The following DGKD variants were observed in gnomAD, a reference collection of about 807,000 sequenced individuals.
DGKD encodes the protein DAG kinase delta.
Under a neutral mutation model 154.4 loss-of-function variants are expected in DGKD, and 68 were observed. The ratio of observed to expected loss-of-function variants is 0.44; its 90% confidence interval spans 0.36 to 0.54. DGKD has a LOEUF of 0.54. DGKD is among the 20% of genes least tolerant of loss of function. DGKD has a pLI of 0.00. For synonymous variants in DGKD, 693 were observed against 638.0 expected (o/e 1.09, Z -1.30); for missense variants, 1,343 against 1,593.6 (o/e 0.84, Z 2.68).
intron 1 of DGKD, among the ~76,000 whole-genome samples, chr2:233,362,698 A>T (rs1056843728): frequency 6.6e-6 from 1 of 152,224 alleles, no homozygotes; most frequent in Non-Finnish European, 1.5e-5. Flanking sequence ...ATTTTCTACA[A>T]CAAATAACAG....
Position 233,364,890 on chromosome 2 carries a change from A to G in DGKD, c.156+10216A>G, listed in dbSNP as rs577859967. ...TTTGAAAGAGATACGTTTAAAACAT[A>G]AGGATATTAAAAGATTGAAAGTAAA... is the stretch of plus-strand genomic sequence containing the variant. On this transcript the variant is annotated intron_variant, in intron 1 of 29. Coordinates refer to ENST00000264057, the MANE Select transcript of DGKD (RefSeq NM_152879.3). Among the ~76,000 whole-genome samples the G allele has an allele frequency of 2.6e-5, 4 of 152,324 alleles. No homozygotes were observed. The East Asian group carries it at 7.7e-4, about 29-fold the overall frequency.
rs189410313 is a variant in DGKD at position 233,465,116 on chromosome 2, C to A, written c.3306+833C>A. Among the ~76,000 whole-genome samples the A allele has an allele frequency of 5.3e-5, 8 of 152,268 alleles. No homozygotes were observed. The East Asian group carries it at 1.5e-3, about 29-fold the overall frequency. On this transcript the variant is annotated intron_variant, in intron 27 of 29. Transcript: ENST00000264057. ...TTCATGGGAAACTGACTCAGGCACT[C>A]CAGCCGATGGATGAAACTCAGCAGC...
At chr2:233,446,396 A>T (rs2063072528) in intron 11 of DGKD, among the ~76,000 whole-genome samples, 2 of 152,272 alleles carry the variant, frequency 1.3e-5, no homozygotes, top group African/African-American at 4.8e-5. Flanking sequence ...TGCTCATCTC[A>T]CTGGGCCAGC....
At chr2:233,384,282 TGATGC>T (rs1331992942) in intron 1 of DGKD, among the ~76,000 whole-genome samples, 5 of 152,168 alleles carry the variant, frequency 3.3e-5, no homozygotes, top group Non-Finnish European at 7.4e-5. Context: ...TGGACATCAC[TGATGC>T]GATCTTCTCG....
At chr2:233,381,952 G>A (rs1046591922) in intron 1 of DGKD, among the ~76,000 whole-genome samples, 7 of 152,266 alleles carry the variant, frequency 4.6e-5, no homozygotes, top group African/African-American at 1.7e-4. Flanking sequence ...ATGCAAATTG[G>A]GCCAGGTGCG....
intron 9 of DGKD, among the ~76,000 whole-genome samples, chr2:233,439,681 C>T (rs2062825430): frequency 6.6e-6 from 1 of 152,154 alleles, no homozygotes; most frequent in African/African-American, 2.4e-5. Flanking sequence ...CCTGCCTTAG[C>T]CTCCTGAGTA....
At chr2:233,408,045 T>C (rs973353973) in intron 3 of DGKD, among the ~76,000 whole-genome samples, 1 of 130,972 alleles carries the variant, frequency 7.6e-6, no homozygotes, top group Admixed American at 7.6e-5. Flanking sequence ...GGAAAAACTG[T>C]TTTTTTTTTT....
In DGKD at chr2:233,467,203, G is replaced by A; in HGVS notation, c.3424G>A (p.Val1142Ile). The change falls in exon 28 of 30, where the codon GTT (valine) becomes ATT (isoleucine). Residue 1142 changes from valine (V) to isoleucine (I), a missense_variant and splice_region_variant. Around this residue, in one of 6 missense-constraint regions of DGKD, gnomAD observed 429 missense variants for 496.3 expected, o/e 0.86. Coordinates refer to ENST00000264057, the MANE Select transcript of DGKD (RefSeq NM_152879.3). ...AGCTCACAGTAGCCTGGGAGCCCCG[G>A]GTACCTGCCTCTCTCCCGCGTGTGT... Reference protein sequence around the residue: ...KEAHSSLGAPVHLWGTEEVAA... With the variant: ...KEAHSSLGAPIHLWGTEEVAA... The A allele has an allele frequency of 6.2e-7, 1 of 1,608,570 alleles. No individual in the cohort carries two copies. The highest frequency in any genetic ancestry group is 8.5e-7 in the Non-Finnish European group (1 of 1,174,962).
intron 3 of DGKD, among the ~76,000 whole-genome samples, chr2:233,411,781 T>C (rs2061837398): frequency 6.6e-6 from 1 of 152,174 alleles, no homozygotes; most frequent in Admixed American, 6.5e-5. Context: ...GTTTTGTAGT[T>C]TTAGGTTTTA....
chr2:233,457,280 C>A lies in DGKD; in HGVS notation c.2532C>A (p.Pro844=). The A allele has an allele frequency of 1.3e-6, 2 of 1,530,076 alleles. No individual in the cohort carries two copies. Among genetic ancestry groups the A allele is most frequent in the South Asian group, 2.6e-5 (2 of 76,842 alleles). The allele number at this position is 1,530,076 out of a possible 1,614,324, so 94.8% of individuals were successfully genotyped here. A position where few individuals can be genotyped will look rare whatever the true frequency, so the allele number is the denominator to read the frequency against. The stretch of plus-strand genomic sequence containing the variant: ...AGGGAATTGCTGTCCTTAACATTCC[C>A]AGCTATGCCGGAGGAACCAACTTCT... ...SLQGIAVLNI[P]SYAGGTNFWG... Residue 844 remains proline, a synonymous_variant, in exon 21 of 30, where the codon CCC becomes CCA. Transcript: ENST00000264057. This position sits in a 1 kb window ranked among gnomAD's most constrained non-coding sequence, Gnocchi z 5.5.
At chr2:233,442,037 G>A (rs1473314561) in intron 10 of DGKD, 42 bp downstream of exon 10, 4 of 1,548,732 alleles carry the variant, frequency 2.6e-6, no homozygotes, top group Admixed American at 1.7e-5. Context: ...CAGAGAGGGT[G>A]CGGAGGTTAG....
chr2:233,464,390 G>A (rs1035783228), intron 27 of DGKD, 107 bp downstream of exon 27: 46 of 1,439,298 alleles, frequency 3.2e-5, no homozygotes, highest in Non-Finnish European at 3.9e-5. Flanking sequence ...AGATCGTGTC[G>A]CTCCGGCAGC....
In DGKD at chr2:233,451,988, C is replaced by G; in HGVS notation, c.2192C>G (p.Ser731Cys). ...GATGTCCGGGCTGGAATGTCTGGTT[C>G]CTTACCCGGTGGCTCAGTCATCAGT... ...YPNVRAGMSG[S>C]LPGGSVISRL... The change falls in exon 18 of 30, where the codon TCC (serine) becomes TGC (cysteine). Residue 731 changes from serine to cysteine, a missense_variant. Physicochemically the swap from Ser to Cys is moderately radical, Grantham distance 112 (BLOSUM62 -1). This residue lies in a region of DGKD where 409 missense variants were observed against 446.0 expected (regional missense o/e 0.92). Coordinates refer to ENST00000264057, the MANE Select transcript of DGKD (RefSeq NM_152879.3). The G allele has an allele frequency of 1.2e-6, 2 of 1,614,008 alleles. No homozygotes were observed. The highest frequency in any genetic ancestry group is 1.7e-6 in the Non-Finnish European group (2 of 1,179,930).
chr2:233,414,030 A>G (rs2061895631), intron 3 of DGKD, among the ~76,000 whole-genome samples: 1 of 152,236 alleles, frequency 6.6e-6, no homozygotes, highest in Admixed American at 6.5e-5. Context: ...CGGGGGTTCT[A>G]GATGAGGGAG....
At chr2:233,371,317 A>G (rs1363481277) in intron 1 of DGKD, among the ~76,000 whole-genome samples, 1 of 152,160 alleles carries the variant, frequency 6.6e-6, no homozygotes. Flanking sequence ...ATCATTTCAT[A>G]TGTTTATTGA....
chr2:233,462,480 A>G (rs1383615954), intron 25 of DGKD, 21 bp downstream of exon 25: 2 of 1,583,780 alleles, frequency 1.3e-6, no homozygotes, highest in Admixed American at 1.7e-5. Flanking sequence ...TGGCCTTTTC[A>G]GTCCTGGCTT....
At chr2:233,416,027 A>G (rs2061951806) in intron 3 of DGKD, among the ~76,000 whole-genome samples, 1 of 152,180 alleles carries the variant, frequency 6.6e-6, no homozygotes. Context: ...CTACCACTTG[A>G]TGTGTGAACC....
chr2:233,394,655 A>G (rs934665818), intron 3 of DGKD, among the ~76,000 whole-genome samples: 1 of 82,886 alleles, frequency 1.2e-5, no homozygotes, highest in African/African-American at 4.1e-5. Context: ...CCTAACTTTT[A>G]TCTTTAGTTT....
At chr2:233,410,784 TTCTCTC>T (rs555260837) in intron 3 of DGKD, among the ~76,000 whole-genome samples, 1 of 151,294 alleles carries the variant, frequency 6.6e-6, no homozygotes, top group Non-Finnish European at 1.5e-5. Flanking sequence ...CACACACACT[TTCTCTC>T]TCTCTCTCTC....
Sources: allele counts gnomAD v4.1 joint callset (sites outside exome capture counted in the v4.1 genomes callset), GRCh38; gene constraint gnomAD v4.1.1; regional missense constraint gnomAD v4.1.1; non-coding constraint Gnocchi (gnomAD v3.1); transcripts MANE v1.5; gene names NCBI Gene and HGNC (gene_info 2026-07-23, HGNC 2026-07-21).